The following TRIM23 variants were observed in gnomAD, a reference collection of about 807,000 sequenced individuals.
TRIM23 encodes E3 ubiquitin-protein ligase TRIM23.
A neutral mutation model predicts 71.0 loss-of-function variants in TRIM23; 27 were observed. That is an observed-to-expected ratio of 0.38 (90% CI 0.28 to 0.52). The LOEUF is 0.52. Among genes scored for constraint, TRIM23 ranks in the 20% least tolerant of loss-of-function variants. The pLI, the probability that TRIM23 is intolerant of heterozygous loss-of-function variation, is 0.84. For synonymous variants in TRIM23, 234 were observed against 238.0 expected (o/e 0.98, Z 0.16); for missense variants, 482 against 692.3 (o/e 0.70, Z 3.41).
chr5:65,613,358 GAA>G (rs1429120515), intron 3 of TRIM23, among the ~76,000 whole-genome samples: 5 of 152,144 alleles, frequency 3.3e-5, no homozygotes, highest in Admixed American at 2.6e-4. Flanking sequence ...ATCATCTAAT[GAA>G]AGAGAAGTGA....
At chr5:65,606,822 A>G (rs1581183273) in intron 6 of TRIM23, 1 of 152,238 alleles carries the variant, frequency 6.6e-6, no homozygotes, top group East Asian at 1.9e-4. Context: ...TAGTTGCAGA[A>G]TTCTTTTTTG....
chr5:65,613,068 TGTCA>T (rs1323895502), intron 3 of TRIM23, among the ~76,000 whole-genome samples: 4 of 152,132 alleles, frequency 2.6e-5, no homozygotes, highest in Non-Finnish European at 5.9e-5. Context: ...ACATCAATGG[TGTCA>T]TTCTTTATCA....
At chr5:65,611,187 CT>C in intron 4 of TRIM23, 144 bp from the exon 5 acceptor site, 1 of 751,718 alleles carries the variant, frequency 1.3e-6, no homozygotes, top group Non-Finnish European at 2.0e-6. Flanking sequence ...ACTTTCACTC[CT>C]TTATAAGAAA....
chr5:65,613,627 C>A (rs898072356), intron 3 of TRIM23: 1 of 1,012,154 alleles, frequency 9.9e-7, no homozygotes, highest in Non-Finnish European at 1.2e-6. Context: ...TACATCTATA[C>A]AAAGTTTAAC....
chr5:65,601,144 T>C (rs1353337829), intron 7 of TRIM23, among the ~76,000 whole-genome samples: 1 of 152,204 alleles, frequency 6.6e-6, no homozygotes, highest in Non-Finnish European at 1.5e-5. Context: ...TCTGGGTATA[T>C]ATCCAAAAGA....
intron 6 of TRIM23, among the ~76,000 whole-genome samples, chr5:65,606,527 A>G (rs1217131687): frequency 1.3e-5 from 2 of 151,446 alleles, no homozygotes; most frequent in African/African-American, 4.9e-5. Context: ...TTCCTTACAT[A>G]TAATTCTCTA....
intron 1 of TRIM23, among the ~76,000 whole-genome samples, chr5:65,619,312 C>A (rs978318261): frequency 6.6e-6 from 1 of 152,192 alleles, no homozygotes; most frequent in Non-Finnish European, 1.5e-5. Context: ...GTATAAGCGT[C>A]TACCGTAACA....
chr5:65,620,273 C>G (rs572535145), intron 1 of TRIM23, among the ~76,000 whole-genome samples: 5 of 151,964 alleles, frequency 3.3e-5, no homozygotes, highest in African/African-American at 1.2e-4. Flanking sequence ...ACAATACTTA[C>G]CAAATTTAAA....
At position 65,590,778 on chromosome 5, in the gene TRIM23, T is replaced by C; in HGVS notation, c.*991A>G. The stretch of plus-strand genomic sequence containing the variant: ...TTTATTGTCAAAATAAATGCACTTA[T>C]TTTGGGAAACAGTTTGAAGTAAGTA... On this transcript the variant is annotated 3_prime_UTR_variant, in exon 11 of 11. Transcript: ENST00000231524. 1.0e-6 allele frequency: 1 copy of C among 985,408 alleles called. No individual in the cohort carries two copies. The highest frequency in any genetic ancestry group is 1.2e-6 in the Non-Finnish European group (1 of 829,932). The allele number at this position is 985,408 out of a possible 1,614,324, so 61.0% of individuals were successfully genotyped here. A position where few individuals can be genotyped will look rare whatever the true frequency, so the allele number is the denominator to read the frequency against.
chr5:65,616,502 C>A (rs1286530621), intron 2 of TRIM23, among the ~76,000 whole-genome samples: 3 of 151,302 alleles, frequency 2.0e-5, no homozygotes, highest in Admixed American at 2.0e-4. Context: ...ATTAGTCAGG[C>A]GTGGTGGCAG....
In TRIM23 at chr5:65,603,898, T is replaced by C. The variant is rs1308142373; in HGVS notation, c.1179+1013A>G. Among the ~76,000 whole-genome samples the C allele has an allele frequency of 3.9e-5, 6 of 151,952 alleles. No homozygotes were observed. The East Asian group carries it at 1.2e-3, about 29-fold the overall frequency. On this transcript the variant is annotated intron_variant, in intron 7 of 10. Transcript: ENST00000231524. ...AGAAATTTGAATACTAACAAGTTGA[T>C]AATATTAGTGAAAATATTAGAGATT...
At chr5:65,597,279 C>T (rs1754233265) in intron 7 of TRIM23, 99 bp from the exon 8 acceptor site, 2 of 1,218,498 alleles carry the variant, frequency 1.6e-6, no homozygotes, top group Non-Finnish European at 2.3e-6. Flanking sequence ...ATTCCTCAAC[C>T]ATTGCAATCT....
chr5:65,612,889 A>T (rs1754688854), intron 3 of TRIM23, among the ~76,000 whole-genome samples: 1 of 152,204 alleles, frequency 6.6e-6, no homozygotes, highest in South Asian at 2.1e-4. Flanking sequence ...GTTTTCAGGA[A>T]TTACAAAAAA....
chr5:65,615,662 A>G (rs1314080476), intron 2 of TRIM23, among the ~76,000 whole-genome samples: 2 of 152,196 alleles, frequency 1.3e-5, no homozygotes, highest in Admixed American at 6.5e-5. Context: ...AGTTCTATCT[A>G]TTTACATAAA....
intron 2 of TRIM23, among the ~76,000 whole-genome samples, chr5:65,614,505 C>A (rs1031749485): frequency 2.0e-5 from 3 of 152,090 alleles, no homozygotes; most frequent in African/African-American, 7.2e-5. Flanking sequence ...GAGGCTGAGG[C>A]GGACAGATCA....
intron 7 of TRIM23, among the ~76,000 whole-genome samples, chr5:65,601,185 G>A (rs957864723): frequency 6.6e-6 from 1 of 152,200 alleles, no homozygotes; most frequent in African/African-American, 2.4e-5. Flanking sequence ...AGAGATATTT[G>A]TACACTCACG....
rs1327844915 is a variant in TRIM23, at chr5:65,595,794, A to AT, written c.1420+626dup. 2.9e-4 allele frequency among the ~76,000 whole-genome samples: 44 copies of AT among 152,290 alleles called. No homozygotes were observed. The East Asian group carries it at 4.4e-3, about 15-fold the overall frequency. On this transcript the variant is annotated intron_variant, in intron 9 of 10. Coordinates refer to ENST00000231524, the MANE Select transcript of TRIM23 (RefSeq NM_001656.4). Reference sequence around the variant, plus strand: ...TATCAAAAATCCCAAAGTAAAAATAATTATTCAGTCTCTCATCTTGGTGGA... The same window carrying AT: ...TATCAAAAATCCCAAAGTAAAAATAATTTATTCAGTCTCTCATCTTGGTGGA...
rs570434762 is a variant in TRIM23 at position 65,598,743 on chromosome 5, C to A, written c.1180-1563G>T. Reference sequence around the variant, plus strand: ...AGCCTGGGCAACAAGAGCGAAACTCCGCCTCAAAAAAAAAAAAAACACATA... The same window carrying A: ...AGCCTGGGCAACAAGAGCGAAACTCAGCCTCAAAAAAAAAAAAAACACATA... On this transcript the variant is annotated intron_variant, in intron 7 of 10. Transcript: ENST00000231524. 5.7e-5 allele frequency among the ~76,000 whole-genome samples: 5 copies of A among 88,162 alleles called. No homozygotes were observed. The South Asian group carries it at 1.1e-3, about 19-fold the overall frequency. 57.8% of individuals were successfully genotyped at this position (88,162 alleles called of 152,430 possible).
Position 65,611,729 on chromosome 5 carries a change from A to G in TRIM23, c.519T>C (p.His173=), listed in dbSNP as rs1383864137. The G allele has an allele frequency of 6.2e-7, 1 of 1,614,080 alleles. No homozygotes were observed. The highest frequency in any genetic ancestry group is 8.5e-7 in the Non-Finnish European group (1 of 1,180,036). The change falls in exon 4 of 11, where the codon CAT becomes CAC. Residue 173 remains histidine (H), a synonymous_variant. Coordinates refer to ENST00000231524, the MANE Select transcript of TRIM23 (RefSeq NM_001656.4). ...GGTGCTGAGAGCACATAGTTTTCTC[A>G]TGAGGTTTATCAGCTAGAGGAACTC... is the stretch of plus-strand genomic sequence containing the variant. ...HRRVPLADKP[H]EKTMCSQHQV... is the part of the protein sequence containing the mutation.
Sources: gnomAD v4.1 joint callset for allele counts (sites outside exome capture counted in the v4.1 genomes callset) on GRCh38, gnomAD v4.1.1 for gene constraint, MANE v1.5 for transcripts, NCBI Gene and HGNC (gene_info 2026-07-23, HGNC 2026-07-21) for gene names.